Variants in TEC observed in about 807,000 individuals in gnomAD.
The protein encoded by TEC is tec protein tyrosine kinase, also known as tyrosine-protein kinase Tec.
TEC carries 72 observed loss-of-function variants against 93.0 expected under a neutral mutation model. The ratio of observed to expected loss-of-function variants is 0.77; its 90% CI spans 0.64 to 0.94. The LOEUF (loss-of-function observed/expected upper bound fraction) is 0.94, where lower values mean the gene tolerates loss of function less well. Ranked by LOEUF, TEC falls within the 40% of genes least tolerant of loss-of-function variation. The probability of loss-of-function intolerance (pLI) is 0.00; values close to 1 mark genes in which losing one functional copy is unlikely to be tolerated. For synonymous variants in TEC, 249 were observed against 247.7 expected (o/e 1.01, Z -0.05); for missense variants, 630 against 757.9 (o/e 0.83, Z 1.98).
intron 8 of TEC, among the ~76,000 whole-genome samples, chr4:48,160,391 G>A (rs148969259): frequency 3.3e-5 from 5 of 152,212 alleles, no homozygotes; most frequent in Admixed American, 6.5e-5. Flanking sequence ...TGTTGCCAGC[G>A]CAGCAGTCCA....
intron 2 of TEC, among the ~76,000 whole-genome samples, chr4:48,220,075 G>C (rs1396141511): frequency 6.6e-6 from 1 of 151,644 alleles, no homozygotes; most frequent in Non-Finnish European, 1.5e-5. Flanking sequence ...ATACATTTAT[G>C]TCATGGTTCA....
chr4:48,198,194 A>G (rs528062179), intron 2 of TEC, among the ~76,000 whole-genome samples: 148 of 152,316 alleles, frequency 9.7e-4, no homozygotes, highest in Admixed American at 2.0e-3. Context: ...ATGCTTTCCC[A>G]GGGATCCTGG....
At chr4:48,212,110 A>AAAAAAAAAAAAATATAT in intron 2 of TEC, among the ~76,000 whole-genome samples, 1 of 122,250 alleles carries the variant, frequency 8.2e-6, no homozygotes, top group Non-Finnish European at 1.7e-5. Flanking sequence ...AAAAAAAAAA[A>AAAAAAAAAAAAATATAT]ATATATATAT....
chr4:48,266,040 T>C (rs1724631797), intron 1 of TEC, among the ~76,000 whole-genome samples: 1 of 152,192 alleles, frequency 6.6e-6, no homozygotes, highest in African/African-American at 2.4e-5. Flanking sequence ...GAGTTCTAAA[T>C]TTCTCAACAG....
chr4:48,245,077 G>C (rs1052915970), intron 1 of TEC, among the ~76,000 whole-genome samples: 5 of 151,998 alleles, frequency 3.3e-5, no homozygotes, highest in Non-Finnish European at 7.4e-5. Flanking sequence ...GGAGTATCAC[G>C]AGGTGAGGAT....
At chr4:48,220,088 A>G (rs1723208248) in intron 2 of TEC, among the ~76,000 whole-genome samples, 2 of 151,642 alleles carry the variant, frequency 1.3e-5, no homozygotes, top group South Asian at 2.1e-4. Flanking sequence ...ATGGTTCACA[A>G]CATACATAAA....
At chr4:48,174,448 C>T (rs1047315588) in intron 3 of TEC, among the ~76,000 whole-genome samples, 6 of 152,066 alleles carry the variant, frequency 3.9e-5, no homozygotes, top group African/African-American at 1.4e-4. Context: ...CACTTGAGGC[C>T]AGGAGTTCGA....
chr4:48,213,087 A>G (rs774487449), intron 2 of TEC, among the ~76,000 whole-genome samples: 1 of 152,226 alleles, frequency 6.6e-6, no homozygotes, highest in Non-Finnish European at 1.5e-5. Context: ...AATTACACCT[A>G]TCCATGTGAC....
chr4:48,215,357 A>T (rs1723041974), intron 2 of TEC, among the ~76,000 whole-genome samples: 1 of 152,020 alleles, frequency 6.6e-6, no homozygotes, highest in Non-Finnish European at 1.5e-5. Context: ...AAATATAAAA[A>T]TTAGCCAGGC....
intron 1 of TEC, among the ~76,000 whole-genome samples, chr4:48,234,624 G>GA (rs1723735281): frequency 6.6e-6 from 1 of 152,024 alleles, no homozygotes; most frequent in Non-Finnish European, 1.5e-5. Flanking sequence ...TTTAGAAAAG[G>GA]AAAAATAATC....
intron 2 of TEC, among the ~76,000 whole-genome samples, chr4:48,187,469 A>T (rs1721930113): frequency 6.6e-6 from 1 of 151,742 alleles, no homozygotes; most frequent in Non-Finnish European, 1.5e-5. Context: ...GAAGGCAAAA[A>T]TTTCATTTCC....
chr4:48,222,952 A>T (rs1411016988), intron 2 of TEC, among the ~76,000 whole-genome samples: 3 of 152,138 alleles, frequency 2.0e-5, no homozygotes, highest in African/African-American at 7.2e-5. Flanking sequence ...TCATATGTAT[A>T]TATCCCATAT....
At chr4:48,264,794 G>A (rs939585341) in intron 1 of TEC, among the ~76,000 whole-genome samples, 5 of 152,038 alleles carry the variant, frequency 3.3e-5, no homozygotes, top group African/African-American at 7.2e-5. Context: ...ACGCCACCAC[G>A]CCTGGCTAAT....
At chr4:48,159,881 C>T (rs950201512) in intron 8 of TEC, among the ~76,000 whole-genome samples, 1 of 152,080 alleles carries the variant, frequency 6.6e-6, no homozygotes, top group Non-Finnish European at 1.5e-5. Context: ...GGGAACTAAG[C>T]GTGAGAACTC....
chr4:48,222,793 C>T (rs1414364395), intron 2 of TEC, among the ~76,000 whole-genome samples: 2 of 152,246 alleles, frequency 1.3e-5, no homozygotes, highest in South Asian at 4.2e-4. Context: ...AACTACATCA[C>T]CAGCTTTCCT....
intron 15 of TEC, among the ~76,000 whole-genome samples, chr4:48,140,900 A>G (rs1314502444): frequency 1.3e-5 from 2 of 152,034 alleles, no homozygotes; most frequent in South Asian, 2.1e-4. Context: ...CTTATTCTCT[A>G]TATGGTTCAG....
intron 2 of TEC, among the ~76,000 whole-genome samples, chr4:48,223,143 A>G (rs1316947344): frequency 8.6e-6 from 1 of 116,614 alleles, no homozygotes; most frequent in Admixed American, 9.7e-5. Context: ...GACAATATAT[A>G]CACAAAAAAA....
At chr4:48,264,595 C>T (rs1724584361) in intron 1 of TEC, among the ~76,000 whole-genome samples, 1 of 152,114 alleles carries the variant, frequency 6.6e-6, no homozygotes, top group African/African-American at 2.4e-5. Flanking sequence ...GCCAGATTCC[C>T]CCTACCATGA....
chr4:48,176,297 A>G (rs1721323331), intron 2 of TEC, 111 bp from the exon 3 acceptor site: 1 of 711,706 alleles, frequency 1.4e-6, no homozygotes, highest in South Asian at 1.8e-5. Flanking sequence ...TTTCTTTAAA[A>G]TTATCTAAAT....
Sources: gnomAD v4.1 joint callset for allele counts (sites outside exome capture counted in the v4.1 genomes callset) on GRCh38, gnomAD v4.1.1 for gene constraint, MANE v1.5 for transcripts, NCBI Gene and HGNC (gene_info 2026-07-23, HGNC 2026-07-21) for gene names.